Variants in RPLP1 observed in about 807,000 individuals in gnomAD.
The protein encoded by RPLP1 is large ribosomal subunit protein P1.
Under a neutral mutation model 11.6 loss-of-function variants are expected in RPLP1, and 4 were observed. The observed-to-expected ratio is 0.34, with a 90% CI of 0.17 to 0.79. The LOEUF is 0.79. Among genes scored for constraint, RPLP1 ranks in the 30% least tolerant of loss-of-function variants. The pLI is 0.55. For synonymous variants in RPLP1, 54 were observed against 52.2 expected, an observed-to-expected ratio of 1.03 and a Z score of -0.15; for missense variants, 133 against 142.8, an observed-to-expected ratio of 0.93 and a Z score of 0.35.
rs148475575 is a variant in RPLP1, at chr15:69,455,190, T to A, written c.168T>A (p.Ile56=). The A allele has an allele frequency of 8.1e-6, 13 of 1,597,866 alleles. No homozygotes were observed. The African/African-American group carries it at 1.8e-4, about 22-fold the overall frequency. The change falls in exon 3 of 4, where the codon ATT becomes ATA. Residue 56 remains isoleucine (I), a synonymous_variant. Coordinates refer to ENST00000260379, the MANE Select transcript of RPLP1 (RefSeq NM_001003.3). ...TGCAGGCCCTGGCCAACGTCAACAT[T>A]GGGAGCCTCATCTGCAATGTAGGGG... is the stretch of plus-strand genomic sequence containing the variant. ...LFAKALANVN[I]GSLICNVGAG... is the part of the protein sequence containing the mutation.
In RPLP1 at chr15:69,455,764, A is replaced by G. The variant is rs1173887403; in HGVS notation, c.*257A>G. On this transcript the variant is annotated 3_prime_UTR_variant, in exon 4 of 4. Coordinates refer to ENST00000260379, the MANE Select transcript of RPLP1 (RefSeq NM_001003.3). ...GTGGCAGGAGGAAGGATCAGAGCAG[A>G]TGCTTTGTCCAGGTTACCTGTGTAA... 6.2e-6 allele frequency: 3 copies of G among 481,832 alleles called. No individual in the cohort carries two copies. The highest frequency in any genetic ancestry group is 3.9e-5 in the African/African-American group (2 of 51,492). The allele number at this position is 481,832 out of a possible 1,614,324, so 29.8% of individuals were successfully genotyped here. A position where few individuals can be genotyped will look rare whatever the true frequency, so the allele number is the denominator to read the frequency against.
At chr15:69,453,189 G>A (rs1892377665) in intron 1 of RPLP1, 169 bp downstream of exon 1, 2 of 655,160 alleles carry the variant, frequency 3.1e-6, no homozygotes, top group East Asian at 2.8e-5. Flanking sequence ...CTCTCTCCGG[G>A]CAGGTCCTGG....
At chr15:69,455,020 T>A (rs1351406938) in intron 2 of RPLP1, 150 bp from the exon 3 acceptor site, 9 of 1,154,576 alleles carry the variant, frequency 7.8e-6, no homozygotes, top group Non-Finnish European at 9.4e-6. Context: ...ATTTTTCCAC[T>A]GTTGAATCCA....
Position 69,454,272 on chromosome 15 carries a change from C to A in RPLP1, c.147+551C>A, listed in dbSNP as rs1259388504. ...GGTCTCGATCTCCTGACCTCGTGAT[C>A]CCCCCGCCTCTGCCTCCCAAAGTGC... On this transcript the variant is annotated intron_variant, in intron 2 of 3. Transcript: ENST00000260379. 2 of 152,702 alleles carry A rather than the reference C, an allele frequency of 1.3e-5. 1 individual carries two copies. The highest frequency in any genetic ancestry group is 2.9e-5 in the Non-Finnish European group (2 of 68,334). The allele number at this position is 152,702 out of a possible 1,614,324, so 9.5% of individuals were successfully genotyped here.
At chr15:69,453,119 C>A in intron 1 of RPLP1, 99 bp downstream of exon 1, 2 of 1,137,540 alleles carry the variant, frequency 1.8e-6, no homozygotes, top group African/African-American at 1.5e-5. Context: ...TGAGCACTTC[C>A]GGCCGGGGCC....
chr15:69,453,286 C>T, intron 1 of RPLP1: 1 of 580,100 alleles, frequency 1.7e-6, no homozygotes, highest in South Asian at 2.1e-5. Flanking sequence ...TGTAGAAAAG[C>T]TCTTCCGCAG....
At chr15:69,453,524 T>C in intron 1 of RPLP1, 123 bp from the exon 2 acceptor site, 1 of 1,089,614 alleles carries the variant, frequency 9.2e-7, no homozygotes, top group Non-Finnish European at 1.4e-6. Context: ...CACATCTCTT[T>C]TGCTTGTGAT....
In RPLP1 at chr15:69,455,210, T is replaced by A; in HGVS notation, c.188T>A (p.Val63Glu). Residue 63 changes from valine to glutamate, a missense_variant, in exon 3 of 4, where the codon GTA (valine) becomes GAA (glutamate). Coordinates refer to ENST00000260379, the MANE Select transcript of RPLP1 (RefSeq NM_001003.3). ...AACATTGGGAGCCTCATCTGCAATG[T>A]AGGGGCCGGTGGACCTGCTCCAGCA... is the stretch of plus-strand genomic sequence containing the variant. ...NVNIGSLICN[V>E]GAGGPAPAAG... The A allele has an allele frequency of 6.2e-7, 1 of 1,607,178 alleles. No homozygotes were observed. Among genetic ancestry groups the A allele is most frequent in the East Asian group, 2.2e-5 (1 of 44,748 alleles).
chr15:69,453,519 C>T (rs909126260), intron 1 of RPLP1, 128 bp from the exon 2 acceptor site: 7 of 1,039,654 alleles, frequency 6.7e-6, no homozygotes, highest in African/African-American at 1.6e-5. Flanking sequence ...TGGCACACAT[C>T]TCTTTTGCTT....
Position 69,452,901 on chromosome 15 carries a change from G to A in RPLP1, c.-48G>A. On this transcript the variant is annotated 5_prime_UTR_variant, in exon 1 of 4. Transcript: ENST00000260379. ...TGGGGTGAGGCCCTCACTTCATCCG[G>A]CGACTAGCACCGCGTCCGGCAGCGC... 6.5e-7 allele frequency: 1 copy of A among 1,528,726 alleles called. No individual in the cohort carries two copies. The highest frequency in any genetic ancestry group is 8.8e-7 in the Non-Finnish European group (1 of 1,130,952). The allele number at this position is 1,528,726 out of a possible 1,614,324, so 94.7% of individuals were successfully genotyped here. A position where few individuals can be genotyped will look rare whatever the true frequency, so the allele number is the denominator to read the frequency against.
intron 1 of RPLP1, 178 bp from the exon 2 acceptor site, chr15:69,453,469 G>A (rs1892384447): frequency 3.0e-6 from 2 of 675,962 alleles, no homozygotes; most frequent in African/African-American, 3.6e-5. Flanking sequence ...GTCCCAGCCC[G>A]TGAAACAGCA....
intron 1 of RPLP1, chr15:69,453,427 G>A: frequency 4.9e-6 from 3 of 610,168 alleles, no homozygotes; most frequent in Admixed American, 6.0e-5. Flanking sequence ...CCCAGGTCTT[G>A]TAACTTAAAA....
In RPLP1 at chr15:69,452,999, C is replaced by G. The variant is rs11554439; in HGVS notation, c.51C>G (p.His17Gln). Reference protein sequence around the residue: ...LACIYSALILHDDEVTVTEDK... With the variant: ...LACIYSALILQDDEVTVTEDK... ...GCATCTACTCGGCCCTCATTCTGCACGACGATGAGGTGACAGTCACGGTGA... is the reference window on the plus strand; with the variant it reads ...GCATCTACTCGGCCCTCATTCTGCAGGACGATGAGGTGACAGTCACGGTGA... The change falls in exon 1 of 4, where the codon CAC (histidine) becomes CAG (glutamine). Residue 17 changes from histidine (H) to glutamine (Q), a missense_variant. Physicochemically the swap from His to Gln is conservative, Grantham distance 24 (BLOSUM62 0). Coordinates refer to ENST00000260379, the MANE Select transcript of RPLP1 (RefSeq NM_001003.3). The G allele has an allele frequency of 3.2e-6, 5 of 1,574,986 alleles. No homozygotes were observed. Among genetic ancestry groups the G allele is most frequent in the Non-Finnish European group, 3.4e-6 (4 of 1,162,732 alleles).
intron 2 of RPLP1, chr15:69,454,037 CTTTTTCT>C: frequency 2.9e-6 from 1 of 349,560 alleles, no homozygotes; most frequent in African/African-American, 2.1e-5. Context: ...AATTCTTTTT[CTTTTTCT>C]TTTTTTTTTC....
intron 2 of RPLP1, 118 bp from the exon 3 acceptor site, chr15:69,455,052 A>G: frequency 1.4e-6 from 2 of 1,401,132 alleles, no homozygotes; most frequent in Non-Finnish European, 1.9e-6. Flanking sequence ...CTCACTGTAT[A>G]TAGTGTTAGG....
chr15:69,455,028 C>A (rs1162435625), intron 2 of RPLP1, 142 bp from the exon 3 acceptor site: 2 of 1,214,260 alleles, frequency 1.6e-6, no homozygotes, highest in Non-Finnish European at 2.2e-6. Context: ...ACTGTTGAAT[C>A]CATGGATGTG....
intron 2 of RPLP1, chr15:69,454,343 C>A (rs2140435974): frequency 6.6e-6 from 1 of 152,664 alleles, no homozygotes; most frequent in East Asian, 1.9e-4. Flanking sequence ...CAAGCAAATT[C>A]TTTCAGTAAA....
At chr15:69,453,832 C>G (rs1892390889) in intron 2 of RPLP1, 111 bp downstream of exon 2, 1 of 1,069,472 alleles carries the variant, frequency 9.4e-7, no homozygotes, top group South Asian at 1.3e-5. Context: ...GCCGCTGGAT[C>G]TCCTAGGTGT....
At chr15:69,453,368 C>G in intron 1 of RPLP1, 1 of 581,358 alleles carries the variant, frequency 1.7e-6, no homozygotes, top group Non-Finnish European at 3.0e-6. Context: ...GTGTAATTGC[C>G]TTGAATTCCC....
Sources: gnomAD v4.1 joint callset for allele counts on GRCh38, gnomAD v4.1.1 for gene constraint, MANE v1.5 for transcripts, NCBI Gene and HGNC (gene_info 2026-07-23, HGNC 2026-07-21) for gene names.